The following MMP16 variants were observed in gnomAD, a reference collection of about 807,000 sequenced individuals.
MMP16 encodes the protein matrix metalloproteinase-16.
In MMP16, 12 loss-of-function variants were observed where a neutral mutation model predicts 67.8. The observed-to-expected ratio is 0.18, with a 90% CI of 0.11 to 0.29. The LOEUF (loss-of-function observed/expected upper bound fraction) is 0.29, where lower values mean the gene tolerates loss of function less well. Among genes scored for constraint, MMP16 ranks in the 10% least tolerant of loss-of-function variants. The pLI, the probability that MMP16 is intolerant of heterozygous loss-of-function variation, is 1.00. For missense variants in MMP16, 475 were observed against 765.7 expected (o/e 0.62, Z 4.48); for synonymous variants, 249 against 255.9 (o/e 0.97, Z 0.26).
chr8:88,243,498 C>T (rs911482560), intron 1 of MMP16, among the ~76,000 whole-genome samples: 1 of 152,030 alleles, frequency 6.6e-6, no homozygotes, highest in Non-Finnish European at 1.5e-5. Flanking sequence ...TAATTCCTGT[C>T]GTATATATTC....
intron 1 of MMP16, among the ~76,000 whole-genome samples, chr8:88,324,877 G>A (rs1273322292): frequency 6.6e-6 from 1 of 151,922 alleles, no homozygotes; most frequent in Non-Finnish European, 1.5e-5. Flanking sequence ...AAAAAGGGGG[G>A]GTATCATTAC....
intron 9 of MMP16, among the ~76,000 whole-genome samples, chr8:88,044,224 T>C (rs562408998): frequency 6.6e-6 from 1 of 152,136 alleles, no homozygotes; most frequent in Non-Finnish European, 1.5e-5. Context: ...GGCAAGAGGA[T>C]TGCTTGAGCC....
At chr8:88,186,299 T>C in intron 3 of MMP16, 177 bp downstream of exon 3, 1 of 661,746 alleles carries the variant, frequency 1.5e-6, no homozygotes, top group Non-Finnish European at 2.4e-6. Context: ...AGTGTCTACA[T>C]AGGGTGTCTA....
intron 1 of MMP16, among the ~76,000 whole-genome samples, chr8:88,223,121 T>C (rs1427774951): frequency 6.6e-6 from 1 of 152,088 alleles, no homozygotes; most frequent in African/African-American, 2.4e-5. Context: ...ATCAGAGAAA[T>C]GCAAATCAAA....
At position 88,160,407 on chromosome 8, in the gene MMP16, T is replaced by C. The variant is rs537894121; in HGVS notation, c.709+7262A>G. 3.9e-4 allele frequency among the ~76,000 whole-genome samples: 60 copies of C among 152,110 alleles called. No individual in the cohort carries two copies. In the South Asian group the frequency reaches 0.011, roughly 29 times the overall value. Reference sequence around the variant, plus strand: ...TTGGGTTGGTTCCAAGTCTTTGCTATTGTGAATAGTGACGCAATAAATTTA... The same window carrying C: ...TTGGGTTGGTTCCAAGTCTTTGCTACTGTGAATAGTGACGCAATAAATTTA... On this transcript the variant is annotated intron_variant, in intron 4 of 9. Coordinates refer to ENST00000286614, the MANE Select transcript of MMP16 (RefSeq NM_005941.5).
At chr8:88,265,003 G>T (rs945328446) in intron 1 of MMP16, among the ~76,000 whole-genome samples, 4 of 152,154 alleles carry the variant, frequency 2.6e-5, no homozygotes, top group African/African-American at 9.7e-5. Flanking sequence ...TCCTCTCCCT[G>T]TGGTATGTCT....
At chr8:88,249,148 T>A (rs1038917691) in intron 1 of MMP16, among the ~76,000 whole-genome samples, 2 of 151,400 alleles carry the variant, frequency 1.3e-5, no homozygotes, top group African/African-American at 4.9e-5. Flanking sequence ...CCAAGATACA[T>A]AAGAGAGCTA....
rs185174335 is a variant in MMP16, at chr8:88,264,793, G to T, written c.132+62282C>A. Among the ~76,000 whole-genome samples the T allele has an allele frequency of 1.2e-3, 188 of 152,322 alleles. 1 individual carries two copies. The highest frequency in any genetic ancestry group is 0.011 in the South Asian group (52 of 4,830). On this transcript the variant is annotated intron_variant, in intron 1 of 9. Transcript: ENST00000286614. ...GGCAATGTGCTGTCCATGTGTGATA[G>T]CTAAGTACTATTATAACACAGAGCT... is the stretch of plus-strand genomic sequence containing the variant.
At chr8:88,208,205 C>A (rs1435598823) in intron 1 of MMP16, among the ~76,000 whole-genome samples, 1 of 152,068 alleles carries the variant, frequency 6.6e-6, no homozygotes, top group Non-Finnish European at 1.5e-5. Flanking sequence ...AGCTTTCAGG[C>A]AGGAAGAAAT....
chr8:88,237,683 A>AAC (rs1554587732), intron 1 of MMP16, among the ~76,000 whole-genome samples: 2 of 95,078 alleles, frequency 2.1e-5, no homozygotes, highest in Non-Finnish European at 4.6e-5. Context: ...AACAACAACA[A>AAC]AAAACAACTG....
At chr8:88,099,711 C>T (rs1809101796) in intron 6 of MMP16, among the ~76,000 whole-genome samples, 2 of 151,596 alleles carry the variant, frequency 1.3e-5, no homozygotes, top group Admixed American at 6.6e-5. Flanking sequence ...AAACAAAAAA[C>T]AAAAAACAGG....
intron 1 of MMP16, among the ~76,000 whole-genome samples, chr8:88,283,669 T>C (rs1810777328): frequency 6.6e-6 from 1 of 152,192 alleles, no homozygotes; most frequent in African/African-American, 2.4e-5. Context: ...CTAGTACACA[T>C]TCTGCTCTTT....
At chr8:88,271,215 C>T (rs367784727) in intron 1 of MMP16, among the ~76,000 whole-genome samples, 18 of 152,262 alleles carry the variant, frequency 1.2e-4, no homozygotes, top group African/African-American at 4.3e-4. Flanking sequence ...GGGAAATAGA[C>T]AGTACTTGGA....
At chr8:88,176,001 T>TCACA (rs1179985058) in intron 3 of MMP16, among the ~76,000 whole-genome samples, 1 of 152,194 alleles carries the variant, frequency 6.6e-6, no homozygotes, top group African/African-American at 2.4e-5. Flanking sequence ...TCCATTAAAC[T>TCACA]GTTTTTTCTT....
intron 1 of MMP16, among the ~76,000 whole-genome samples, chr8:88,316,742 T>C (rs1247500960): frequency 1.3e-5 from 2 of 152,208 alleles, no homozygotes; most frequent in African/African-American, 4.8e-5. Context: ...AGTCTCATTA[T>C]ATAAGACATA....
chr8:88,206,468 C>T (rs1284842096), intron 1 of MMP16, among the ~76,000 whole-genome samples: 1 of 151,964 alleles, frequency 6.6e-6, no homozygotes, highest in African/African-American at 2.4e-5. Context: ...GTTAGGAAAC[C>T]GCATGTCTAA....
intron 1 of MMP16, among the ~76,000 whole-genome samples, chr8:88,282,082 T>G (rs10103919): frequency 0.061 from 6,886 of 113,592 alleles, 354 homozygotes; most frequent in Non-Finnish European, 0.072. Context: ...TTTTCTTTTT[T>G]GGGGGGGGGG....
At chr8:88,145,163 A>T (rs1808270544) in intron 4 of MMP16, among the ~76,000 whole-genome samples, 1 of 151,986 alleles carries the variant, frequency 6.6e-6, no homozygotes, top group Non-Finnish European at 1.5e-5. Flanking sequence ...TTGTCCCAAC[A>T]TTAAAGTGGA....
At chr8:88,246,735 A>G (rs552831442) in intron 1 of MMP16, among the ~76,000 whole-genome samples, 3 of 152,284 alleles carry the variant, frequency 2.0e-5, no homozygotes, top group African/African-American at 7.2e-5. Flanking sequence ...TTGTTGTTTA[A>G]GGAAAATAAC....
Sources: allele counts gnomAD v4.1 joint callset (sites outside exome capture counted in the v4.1 genomes callset), GRCh38; gene constraint gnomAD v4.1.1; transcripts MANE v1.5; gene names NCBI Gene and HGNC (gene_info 2026-07-23, HGNC 2026-07-21).